Variants in PTPRD observed in about 807,000 individuals in gnomAD.
PTPRD encodes protein tyrosine phosphatase receptor type D.
PTPRD carries 34 observed loss-of-function variants against 214.5 expected under a neutral mutation model. That is an observed-to-expected ratio of 0.16 (90% CI 0.12 to 0.21). The LOEUF (loss-of-function observed/expected upper bound fraction) is 0.21, where lower values mean the gene tolerates loss of function less well. Among genes scored for constraint, PTPRD ranks in the 10% least tolerant of loss-of-function variants. PTPRD has a pLI of 1.00. For missense variants in PTPRD, 2,545 were observed against 2,398.7 expected, an observed-to-expected ratio of 1.06 and a Z score of -1.27; for synonymous variants, 1,128 against 845.7, an observed-to-expected ratio of 1.33 and a Z score of -5.79.
At chr9:9,801,035 CTGT>C (rs1324620255) in intron 5 of PTPRD, among the ~76,000 whole-genome samples, 1 of 152,038 alleles carries the variant, frequency 6.6e-6, no homozygotes, top group Non-Finnish European at 1.5e-5. Context: ...AGCTACTCAA[CTGT>C]TATTTATTAT....
chr9:9,389,563 G>T (rs547360842), intron 9 of PTPRD, among the ~76,000 whole-genome samples: 2 of 152,006 alleles, frequency 1.3e-5, no homozygotes, highest in South Asian at 4.2e-4. Context: ...ATCTCTAATT[G>T]CAATAACTTT....
At chr9:9,444,745 T>G (rs2089746053) in intron 8 of PTPRD, among the ~76,000 whole-genome samples, 5 of 152,168 alleles carry the variant, frequency 3.3e-5, no homozygotes, top group Admixed American at 3.3e-4. Flanking sequence ...ATATATGCTT[T>G]TAGAAATGGT....
intron 10 of PTPRD, among the ~76,000 whole-genome samples, chr9:9,103,135 G>T (rs1159348389): frequency 6.6e-6 from 1 of 152,060 alleles, no homozygotes; most frequent in Non-Finnish European, 1.5e-5. Context: ...AACAGTGCTG[G>T]TATTCCAAGT....
chr9:9,653,930 G>A (rs559277255), intron 7 of PTPRD, among the ~76,000 whole-genome samples: 7 of 152,016 alleles, frequency 4.6e-5, no homozygotes, highest in African/African-American at 1.7e-4. Flanking sequence ...GTTTCTGGTG[G>A]TTTTTATTAT....
intron 5 of PTPRD, among the ~76,000 whole-genome samples, chr9:9,780,311 C>T (rs1400440219): frequency 6.6e-6 from 1 of 152,094 alleles, no homozygotes; most frequent in Non-Finnish European, 1.5e-5. Flanking sequence ...GGGTGCTGTG[C>T]TTACTACCTG....
chr9:9,595,052 G>C (rs978071166), intron 7 of PTPRD, among the ~76,000 whole-genome samples: 1 of 151,818 alleles, frequency 6.6e-6, no homozygotes, highest in Non-Finnish European at 1.5e-5. Context: ...CCTTACTCCA[G>C]CAAGAATGGT....
At chr9:8,729,802 C>T (rs571996779) in intron 12 of PTPRD, among the ~76,000 whole-genome samples, 3 of 152,326 alleles carry the variant, frequency 2.0e-5, no homozygotes, top group Admixed American at 1.3e-4. Flanking sequence ...CTACTCTATG[C>T]TGCCCATCAG....
chr9:9,506,472 C>T (rs905561802), intron 8 of PTPRD, among the ~76,000 whole-genome samples: 1 of 151,288 alleles, frequency 6.6e-6, no homozygotes, highest in African/African-American at 2.4e-5. Flanking sequence ...TTTGTCCTTC[C>T]AGATTTATGA....
intron 10 of PTPRD, among the ~76,000 whole-genome samples, chr9:9,171,009 C>G (rs571663963): frequency 1.0e-3 from 158 of 152,198 alleles, no homozygotes; most frequent in African/African-American, 3.6e-3. Context: ...CCCAGCTGTC[C>G]AGGAAAGCTT....
intron 9 of PTPRD, among the ~76,000 whole-genome samples, chr9:9,262,314 A>G (rs537885702): frequency 4.0e-5 from 6 of 151,040 alleles, no homozygotes; most frequent in African/African-American, 1.5e-4. Context: ...AATATATTTT[A>G]TTTAATCTGG....
intron 11 of PTPRD, among the ~76,000 whole-genome samples, chr9:9,006,318 C>T (rs567941590): frequency 6.6e-6 from 1 of 152,088 alleles, no homozygotes; most frequent in South Asian, 2.1e-4. Flanking sequence ...TTGGATTCTC[C>T]TCCTCTTTTC....
intron 3 of PTPRD, among the ~76,000 whole-genome samples, chr9:10,294,496 A>G (rs183010142): frequency 1.4e-3 from 207 of 152,058 alleles, no homozygotes; most frequent in Non-Finnish European, 1.3e-3. Context: ...TTTTTTTCCC[A>G]GAAAACATTT....
At chr9:8,661,475 A>C (rs1000011611) in intron 12 of PTPRD, among the ~76,000 whole-genome samples, 3 of 152,242 alleles carry the variant, frequency 2.0e-5, no homozygotes, top group Non-Finnish European at 4.4e-5. Context: ...GGGAAATTTT[A>C]ATGTCTAGGA....
At chr9:9,139,348 T>C (rs926067880) in intron 10 of PTPRD, among the ~76,000 whole-genome samples, 5 of 152,236 alleles carry the variant, frequency 3.3e-5, no homozygotes, top group African/African-American at 1.2e-4. Flanking sequence ...GATTTTCTTA[T>C]AAATTGTTTC....
At chr9:10,252,049 C>T (rs1348469955) in intron 3 of PTPRD, among the ~76,000 whole-genome samples, 1 of 152,142 alleles carries the variant, frequency 6.6e-6, no homozygotes, top group Non-Finnish European at 1.5e-5. Context: ...CTGATTTGCT[C>T]ATTCTACCAA....
chr9:10,478,314 A>T (rs2099076193), intron 2 of PTPRD, among the ~76,000 whole-genome samples: 1 of 152,156 alleles, frequency 6.6e-6, no homozygotes, highest in South Asian at 2.1e-4. Flanking sequence ...GTTGTATAAA[A>T]TATAAAATAT....
At chr9:9,060,216 G>C (rs911350570) in intron 10 of PTPRD, among the ~76,000 whole-genome samples, 2 of 152,150 alleles carry the variant, frequency 1.3e-5, no homozygotes, top group South Asian at 4.1e-4. Context: ...AAAATGACCA[G>C]TGTAACACAG....
intron 10 of PTPRD, among the ~76,000 whole-genome samples, chr9:9,162,684 A>G (rs1477149807): frequency 2.0e-5 from 3 of 152,124 alleles, no homozygotes; most frequent in Admixed American, 1.3e-4. Context: ...TAAAAAATAG[A>G]AAATAAAAAG....
At position 8,851,612 on chromosome 9, in the gene PTPRD, T is replaced by C. The variant is rs969681628; in HGVS notation, c.-103-117666A>G. 2.6e-4 allele frequency among the ~76,000 whole-genome samples: 39 copies of C among 152,200 alleles called. 1 individual carries two copies. Among genetic ancestry groups the C allele is most frequent in the Admixed American group, 2.6e-3 (39 of 15,276 alleles). ...AGCTGAAGACAACAGAACTCTATCA[T>C]AGGAACTAGTGTTCTTGAATATGGT... On this transcript the variant is annotated intron_variant, in intron 11 of 45. Coordinates refer to ENST00000381196, the MANE Select transcript of PTPRD (RefSeq NM_002839.4).
Sources: gnomAD v4.1 joint callset for allele counts (sites outside exome capture counted in the v4.1 genomes callset) on GRCh38, gnomAD v4.1.1 for gene constraint, MANE v1.5 for transcripts, NCBI Gene and HGNC (gene_info 2026-07-23, HGNC 2026-07-21) for gene names.